The following CCNH variants were observed in gnomAD, a reference collection of about 807,000 sequenced individuals.
The protein encoded by CCNH is cyclin H.
In CCNH, 31 loss-of-function variants were observed where a neutral mutation model predicts 41.9. The ratio of observed to expected loss-of-function variants is 0.74; its 90% CI spans 0.56 to 1.00. The LOEUF (loss-of-function observed/expected upper bound fraction) is 1.00. Ranked by LOEUF, CCNH falls within the 50% of genes least tolerant of loss-of-function variation. The pLI is 0.00. For missense variants in CCNH, 362 were observed against 388.4 expected (o/e 0.93, Z 0.57); for synonymous variants, 138 against 136.1 (o/e 1.01, Z -0.10).
chr5:87,323,682 A>G (rs937152336), intron 9 of CCNH, among the ~76,000 whole-genome samples: 1 of 151,088 alleles, frequency 6.6e-6, no homozygotes, highest in East Asian at 1.9e-4. Flanking sequence ...TGTTTAGGGT[A>G]TTGTTATGGC....
downstream of CCNH, among the ~76,000 whole-genome samples, chr5:87,373,265 A>G (rs903222160): frequency 6.6e-6 from 1 of 152,162 alleles, no homozygotes; most frequent in African/African-American, 2.4e-5. Context: ...ATACAATAAA[A>G]AGATACAGTA....
chr5:87,397,554 A>G lies in CCNH; in HGVS notation c.872+1840T>C, dbSNP rs530615155. 9.2e-5 allele frequency among the ~76,000 whole-genome samples: 14 copies of G among 152,290 alleles called. No individual in the cohort carries two copies. The South Asian group carries it at 2.9e-3, about 32-fold the overall frequency. ...TGTTTTTGTCTTCACTTTTCTAGTA[A>G]TTCATTTTTTATTGAATTTTACAAA... On this transcript the variant is annotated intron_variant, in intron 7 of 8. Transcript: ENST00000256897.
rs762651124 is a variant in CCNH, at chr5:87,376,990, T to G, written n.191A>C. ...CTGAGGATTTTTCTTCACGAAAAGC[T>G]TGAATCGTTGTTGTTATGCACACTA... On this transcript the variant is annotated non_coding_transcript_exon_variant, in exon 1 of 1. Transcript: ENST00000607486. The G allele has an allele frequency of 6.2e-7, 1 of 1,613,804 alleles. No individual in the cohort carries two copies. Among genetic ancestry groups the G allele is most frequent in the East Asian group, 2.2e-5 (1 of 44,842 alleles).
downstream of CCNH, among the ~76,000 whole-genome samples, chr5:87,388,451 G>A (rs1762221620): frequency 6.6e-6 from 1 of 152,150 alleles, no homozygotes; most frequent in Non-Finnish European, 1.5e-5. Flanking sequence ...AAAACTTGTT[G>A]AGCACCAACA....
At chr5:87,400,023 A>G (rs960102320) in intron 6 of CCNH, among the ~76,000 whole-genome samples, 1 of 152,344 alleles carries the variant, frequency 6.6e-6, no homozygotes. Context: ...CTATACAAAA[A>G]TGTCCACTTT....
Position 87,399,488 on chromosome 5 carries a change from TTAC to T in CCNH, c.775_777del (p.Val259del). On this transcript the variant is annotated inframe_deletion, in exon 7 of 9. Transcript: ENST00000256897. Reference sequence around the variant, plus strand: ...TCAGATCTGGGTGGTTCATACTTCTTTACTAAGTTTCTCATGCCTATGTGGATA... The same window carrying T: ...TCAGATCTGGGTGGTTCATACTTCTTTAAGTTTCTCATGCCTATGTGGATA... The T allele has an allele frequency of 6.2e-7, 1 of 1,612,436 alleles. No homozygotes were observed. Among genetic ancestry groups the T allele is most frequent in the Non-Finnish European group, 8.5e-7 (1 of 1,178,590 alleles).
upstream of CCNH, chr5:87,380,683 C>CT (rs1400790444): frequency 4.9e-6 from 6 of 1,226,728 alleles, no homozygotes; most frequent in African/African-American, 4.5e-5. Context: ...CAATTCAATG[C>CT]TTTTTTCTTT....
chr5:87,346,709 A>C, intron 9 of CCNH: 2 of 1,551,666 alleles, frequency 1.3e-6, no homozygotes, highest in Non-Finnish European at 1.8e-6. Flanking sequence ...GGAAGCTTAT[A>C]ATTTACTAAT....
chr5:87,338,051 A>T, intron 9 of CCNH: 1 of 1,612,330 alleles, frequency 6.2e-7, no homozygotes, highest in Non-Finnish European at 8.5e-7. Context: ...TTAAGAACAG[A>T]TGAACAAGGC....
chr5:87,377,519 T>G (rs574835866), upstream of CCNH, among the ~76,000 whole-genome samples: 32 of 152,196 alleles, frequency 2.1e-4, no homozygotes, highest in African/African-American at 7.0e-4. Flanking sequence ...ATTTTTTTAG[T>G]AGAGACGGGT....
chr5:87,404,687 CATG>C (rs1763655208), intron 5 of CCNH, among the ~76,000 whole-genome samples, 154 bp downstream of exon 5: 1 of 152,132 alleles, frequency 6.6e-6, no homozygotes, highest in South Asian at 2.1e-4. Flanking sequence ...CAGTATTTTT[CATG>C]ATGTTTAAAG....
At chr5:87,399,830 T>C (rs1313260732) in intron 6 of CCNH, among the ~76,000 whole-genome samples, 1 of 152,164 alleles carries the variant, frequency 6.6e-6, no homozygotes, top group South Asian at 2.1e-4. Context: ...AATCCCTAAA[T>C]GATTTAGTGA....
At chr5:87,325,021 G>A (rs975374935) in intron 9 of CCNH, among the ~76,000 whole-genome samples, 1 of 151,882 alleles carries the variant, frequency 6.6e-6, no homozygotes, top group Non-Finnish European at 1.5e-5. Context: ...AGACAAACCC[G>A]AGATGGGGTC....
chr5:87,376,597 T>C (rs1473833286), exon 1 of CCNH: 2 of 1,596,672 alleles, frequency 1.3e-6, no homozygotes, highest in African/African-American at 1.3e-5. Flanking sequence ...TTGTTTTTGT[T>C]GGAATTAACA....
chr5:87,396,544 G>C (rs888206906), intron 7 of CCNH, among the ~76,000 whole-genome samples: 1 of 152,146 alleles, frequency 6.6e-6, no homozygotes, highest in Non-Finnish European at 1.5e-5. Context: ...AGAACTGCTT[G>C]AACCCGGGAG....
chr5:87,341,862 T>C (rs1758494991), intron 9 of CCNH, among the ~76,000 whole-genome samples: 1 of 152,170 alleles, frequency 6.6e-6, no homozygotes, highest in African/African-American at 2.4e-5. Flanking sequence ...TACAACATTT[T>C]TTCTTATCTT....
At chr5:87,361,252 G>C (rs1760070726) in intron 9 of CCNH, among the ~76,000 whole-genome samples, 1 of 152,166 alleles carries the variant, frequency 6.6e-6, no homozygotes, top group Non-Finnish European at 1.5e-5. Flanking sequence ...TGGTGGACTG[G>C]ATTTAGCATG....
At chr5:87,408,384 G>C (rs1476518080) in intron 3 of CCNH, among the ~76,000 whole-genome samples, 198 bp from the exon 4 acceptor site, 1 of 152,154 alleles carries the variant, frequency 6.6e-6, no homozygotes, top group Non-Finnish European at 1.5e-5. Context: ...GGAGACGTAA[G>C]ACAACTATAA....
intron 9 of CCNH, chr5:87,369,671 A>C: frequency 1.7e-6 from 1 of 598,090 alleles, no homozygotes; most frequent in South Asian, 2.4e-5. Context: ...TTTTTTTAGT[A>C]ATGATCTGGT....
Sources: gnomAD v4.1 joint callset for allele counts (sites outside exome capture counted in the v4.1 genomes callset) on GRCh38, gnomAD v4.1.1 for gene constraint, MANE v1.5 for transcripts, NCBI Gene and HGNC (gene_info 2026-07-23, HGNC 2026-07-21) for gene names.